The following ARFGEF1 variants were observed in gnomAD, a reference collection of about 807,000 sequenced individuals.
ARFGEF1 encodes brefeldin A-inhibited guanine nucleotide-exchange protein 1.
Under a neutral mutation model 231.0 loss-of-function variants are expected in ARFGEF1, and 42 were observed. The ratio of observed to expected loss-of-function variants is 0.18; its 90% CI spans 0.14 to 0.24. ARFGEF1 has a LOEUF of 0.24. Ranked by LOEUF, ARFGEF1 falls within the 10% of genes least tolerant of loss-of-function variation. ARFGEF1 has a pLI of 1.00. For synonymous variants in ARFGEF1, 710 were observed against 732.3 expected, an observed-to-expected ratio of 0.97 and a Z score of 0.49; for missense variants, 1,345 against 2,192.0, an observed-to-expected ratio of 0.61 and a Z score of 7.72.
At chr8:67,177,828 T>C (rs1244743838) in intron 5 of ARFGEF1, 11 of 845,492 alleles carry the variant, frequency 1.3e-5, no homozygotes, top group Non-Finnish European at 2.3e-5. Flanking sequence ...TTCAGGAATA[T>C]TGAATTAAGA....
chr8:67,343,031 G>GGGCTC, intron 1 of ARFGEF1, 133 bp downstream of exon 1: 1 of 1,057,606 alleles, frequency 9.5e-7, no homozygotes, highest in South Asian at 1.6e-5. Context: ...AGGGAACAGA[G>GGGCTC]GGCTCCGCGA....
chr8:67,245,083 G>A (rs904509030), intron 19 of ARFGEF1, among the ~76,000 whole-genome samples: 2 of 150,548 alleles, frequency 1.3e-5, no homozygotes, highest in Non-Finnish European at 2.9e-5. Context: ...TATTTAAAGT[G>A]CTTATGGAAA....
intron 7 of ARFGEF1, among the ~76,000 whole-genome samples, chr8:67,285,953 C>T (rs1000016633): frequency 1.3e-5 from 2 of 151,732 alleles, no homozygotes; most frequent in African/African-American, 4.8e-5. Context: ...TAAGCAAATA[C>T]GAGTGTACCC....
intron 19 of ARFGEF1, among the ~76,000 whole-genome samples, chr8:67,244,316 GTTTTTT>G (rs376228822): frequency 2.0e-5 from 1 of 49,362 alleles, no homozygotes; most frequent in Non-Finnish European, 3.5e-5. Flanking sequence ...TGTTGTTGTT[GTTTTTT>G]TTTTTTTTTT....
intron 5 of ARFGEF1, chr8:67,177,689 A>G (rs967352331): frequency 6.2e-7 from 1 of 1,610,950 alleles, no homozygotes; most frequent in Non-Finnish European, 8.5e-7. Flanking sequence ...GTTGACTTAG[A>G]TGCCATCCCA....
At position 67,198,025 on chromosome 8, in the gene ARFGEF1, A is replaced by G. The variant is rs548855465; in HGVS notation, c.*909T>C. ...CCCAAAAGAAAAGAAAATGACAGCAATCTGGATTCATTTTGCAGTGATTCA... is the reference window on the plus strand; with the variant it reads ...CCCAAAAGAAAAGAAAATGACAGCAGTCTGGATTCATTTTGCAGTGATTCA... On this transcript the variant is annotated 3_prime_UTR_variant, in exon 39 of 39. Coordinates refer to ENST00000262215, the MANE Select transcript of ARFGEF1 (RefSeq NM_006421.5). 72 of 985,738 alleles carry G rather than the reference A, an allele frequency of 7.3e-5. No homozygotes were observed. Among genetic ancestry groups the G allele is most frequent in the Non-Finnish European group, 7.8e-5 (65 of 829,934 alleles). The allele number at this position is 985,738 out of a possible 1,614,324, so 61.1% of individuals were successfully genotyped here.
chr8:67,289,668 T>C (rs1337879810), intron 6 of ARFGEF1, among the ~76,000 whole-genome samples: 3 of 151,876 alleles, frequency 2.0e-5, no homozygotes, highest in Non-Finnish European at 4.4e-5. Flanking sequence ...ATTTACTGTC[T>C]GTAGTATCCC....
chr8:67,196,883 T>C (rs1838024699), downstream of ARFGEF1, among the ~76,000 whole-genome samples: 1 of 152,168 alleles, frequency 6.6e-6, no homozygotes, highest in Non-Finnish European at 1.5e-5. Flanking sequence ...GTGTAACAAA[T>C]ACAGCACACT....
At chr8:67,217,694 T>C in intron 32 of ARFGEF1, 88 bp downstream of exon 32, 1 of 1,354,576 alleles carries the variant, frequency 7.4e-7, no homozygotes, top group Non-Finnish European at 1.0e-6. Flanking sequence ...GAGAAATCAG[T>C]AGTCACTATC....
At chr8:67,178,960 G>GGGACA (rs1185093657) in intron 5 of ARFGEF1, among the ~76,000 whole-genome samples, 1 of 152,178 alleles carries the variant, frequency 6.6e-6, no homozygotes, top group Non-Finnish European at 1.5e-5. Flanking sequence ...TTGACTGAGT[G>GGGACA]GGACAGGAGG....
At chr8:67,256,689 T>C (rs559093475) in intron 17 of ARFGEF1, among the ~76,000 whole-genome samples, 2 of 152,310 alleles carry the variant, frequency 1.3e-5, no homozygotes, top group South Asian at 2.1e-4. Context: ...TCAATGTGTG[T>C]TTTTAGAAAC....
chr8:67,292,232 T>G, intron 5 of ARFGEF1, 109 bp from the exon 6 acceptor site: 1 of 905,022 alleles, frequency 1.1e-6, no homozygotes, highest in Non-Finnish European at 1.7e-6. Flanking sequence ...TCTCTACGCT[T>G]GGAAATTAAA....
rs924147774 is a variant in ARFGEF1, at chr8:67,232,068, T to C, written c.3380+787A>G. 2.8e-4 allele frequency among the ~76,000 whole-genome samples: 42 copies of C among 152,100 alleles called. 1 individual carries two copies. The highest frequency in any genetic ancestry group is 9.9e-4 in the African/African-American group (41 of 41,530). ...GTCAGTGGCCACTGAACATTCTAGT[T>C]CTACCTGTACTTAGAGCAAAAAGTT... On this transcript the variant is annotated intron_variant, in intron 23 of 38. Coordinates refer to ENST00000262215, the MANE Select transcript of ARFGEF1 (RefSeq NM_006421.5).
chr8:67,258,818 T>TACACACACACACACACACAC lies in ARFGEF1; in HGVS notation c.2236-548_2236-529dup, dbSNP rs10576509. Among the ~76,000 whole-genome samples, 683 of 143,018 alleles carry TACACACACACACACACACAC rather than the reference T, an allele frequency of 4.8e-3. 9 individuals carry two copies. Among genetic ancestry groups the TACACACACACACACACACAC allele is most frequent in the African/African-American group, 0.016 (625 of 38,290 alleles). The allele number at this position is 143,018 out of a possible 152,430, so 93.8% of individuals were successfully genotyped here. A position where few individuals can be genotyped will look rare whatever the true frequency, so the allele number is the denominator to read the frequency against. On this transcript the variant is annotated intron_variant, in intron 15 of 38. Transcript: ENST00000262215. ...TTTAGAAAATTTAAAAAGCAGATTT[T>TACACACACACACACACACAC]ACACACACACACACACACACACACA...
chr8:67,291,794 T>G, intron 6 of ARFGEF1, 53 bp downstream of exon 6: 1 of 1,571,792 alleles, frequency 6.4e-7, no homozygotes, highest in Non-Finnish European at 8.6e-7. Context: ...AAACTCTCAT[T>G]CCTACACATT....
At chr8:67,303,368 T>G (rs1332215765) in intron 1 of ARFGEF1, among the ~76,000 whole-genome samples, 2 of 152,212 alleles carry the variant, frequency 1.3e-5, no homozygotes, top group African/African-American at 4.8e-5. Context: ...CTATTTATAC[T>G]ATAAGGTATC....
chr8:67,282,585 T>C (rs897817697), intron 7 of ARFGEF1, among the ~76,000 whole-genome samples: 51 of 152,020 alleles, frequency 3.4e-4, no homozygotes, highest in Admixed American at 3.2e-3. Context: ...CGGTGGCTCA[T>C]GCCTGTAATC....
At chr8:67,289,644 T>A (rs1173278704) in intron 6 of ARFGEF1, among the ~76,000 whole-genome samples, 1 of 151,348 alleles carries the variant, frequency 6.6e-6, no homozygotes, top group Non-Finnish European at 1.5e-5. Context: ...CTCCCTATAA[T>A]TTCACTTTTA....
chr8:67,237,797 C>T (rs560615766), intron 22 of ARFGEF1, among the ~76,000 whole-genome samples: 58 of 152,258 alleles, frequency 3.8e-4, no homozygotes, highest in South Asian at 8.3e-4. Flanking sequence ...GTCTAATAAG[C>T]TCTGTTTCTT....
Sources: allele counts gnomAD v4.1 joint callset (sites outside exome capture counted in the v4.1 genomes callset), GRCh38; gene constraint gnomAD v4.1.1; transcripts MANE v1.5; gene names NCBI Gene and HGNC (gene_info 2026-07-23, HGNC 2026-07-21).